The following TTN variants were observed in gnomAD, a reference collection of about 807,000 sequenced individuals.
The protein encoded by TTN is connectin.
A neutral mutation model predicts 3,223.0 loss-of-function variants in TTN; 1,525 were observed. The observed-to-expected ratio is 0.47, with a 90% CI of 0.45 to 0.49. TTN has a LOEUF of 0.49. Ranked by LOEUF, TTN falls within the 20% of genes least tolerant of loss-of-function variation. TTN has a pLI of 0.00. For missense variants in TTN, 40,786 were observed against 43,424.0 expected, an observed-to-expected ratio of 0.94 and a Z score of 5.40; for synonymous variants, 14,094 against 15,161.0, an observed-to-expected ratio of 0.93 and a Z score of 5.17.
chr2:178,783,573 C>A, intron 17 of TTN, 147 bp downstream of exon 17: 1 of 697,240 alleles, frequency 1.4e-6, no homozygotes, highest in Non-Finnish European at 2.4e-6. Flanking sequence ...TATGGTCTTC[C>A]AGACCAAATA....
rs2154141488 is a variant in TTN at position 178,541,274 on chromosome 2, G to A, written c.97795+8C>T. On this transcript the variant is annotated splice_region_variant and intron_variant, in intron 350 of 362. Transcript: ENST00000589042. ...TCAATCAATTTGACTGATACAAAAT[G>A]TCCTTACCAATTGGATCCATGGCAA... 6.7e-7 allele frequency: 1 copy of A among 1,487,374 alleles called. No individual in the cohort carries two copies. The highest frequency in any genetic ancestry group is 9.0e-7 in the Non-Finnish European group (1 of 1,109,628). 92.1% of individuals were successfully genotyped at this position (1,487,374 alleles called of 1,614,324 possible).
chr2:178,795,064 G>C lies in TTN; in HGVS notation c.1103C>G (p.Thr368Ser), dbSNP rs1466967399. Reference protein sequence around the residue: ...EMRETTLTTSTQIRTEERWEG... With the variant: ...EMRETTLTTSSQIRTEERWEG... Reference sequence around the variant, plus strand: ...CCATCTCTCTTCTGTCCTGATCTGAGTAGAGGTTGTCAGCGTTGTCTCTCT... The same window carrying C: ...CCATCTCTCTTCTGTCCTGATCTGACTAGAGGTTGTCAGCGTTGTCTCTCT... Residue 368 changes from threonine to serine, a missense_variant, in exon 7 of 363, where the codon ACT becomes AGT. By Grantham distance (58) the Thr-to-Ser change is moderately conservative. Coordinates refer to ENST00000589042, the MANE Select transcript of TTN (RefSeq NM_001267550.2). 6.2e-7 allele frequency: 1 copy of C among 1,613,752 alleles called. No homozygotes were observed. The highest frequency in any genetic ancestry group is 8.5e-7 in the Non-Finnish European group (1 of 1,180,018).
chr2:178,630,724 G>T, intron 238 of TTN, 80 bp downstream of exon 238: 1 of 1,532,608 alleles, frequency 6.5e-7, no homozygotes, highest in Non-Finnish European at 8.8e-7. Flanking sequence ...TAAATGTCCT[G>T]CATCCACTCT....
chr2:178,710,981 C>A (rs542566522), intron 97 of TTN, 59 bp from the exon 98 acceptor site: 687 of 1,553,904 alleles, frequency 4.4e-4, no homozygotes, highest in Non-Finnish European at 5.6e-4. Context: ...TGTCAGTTTA[C>A]TGAAATAGAA....
Position 178,574,811 on chromosome 2 carries a change from C to A in TTN, c.71321G>T (p.Trp23774Leu). Reference sequence around the variant, plus strand: ...TATAACGGTGGTTGCTAACTCAACCCAGGTAGTACTGTCAGTCTGCCGCAT... The same window carrying A: ...TATAACGGTGGTTGCTAACTCAACCAAGGTAGTACTGTCAGTCTGCCGCAT... Reference protein sequence around the residue: ...VEMRQTDSTTWVELATTVIRT... With the variant: ...VEMRQTDSTTLVELATTVIRT... The change falls in exon 326 of 363, where the codon TGG becomes TTG. Residue 23774 changes from tryptophan (W) to leucine (L), a missense_variant. Trp to Leu is a moderately conservative substitution (Grantham distance 61, BLOSUM62 -2). Transcript: ENST00000589042. 1 of 1,612,204 alleles carries A rather than the reference C, an allele frequency of 6.2e-7. No individual in the cohort carries two copies. The highest frequency in any genetic ancestry group is 1.1e-5 in the South Asian group (1 of 90,930).
At chr2:178,671,063 A>G (rs1193791206) in intron 156 of TTN, 27 bp downstream of exon 156, 1 of 1,563,404 alleles carries the variant, frequency 6.4e-7, no homozygotes, top group Non-Finnish European at 8.7e-7. Flanking sequence ...TGTAAAGTTA[A>G]GTAGTAATTT....
Position 178,549,732 on chromosome 2 carries a change from T to G in TTN, c.91990A>C (p.Arg30664=), listed in dbSNP as rs747732342. 1 of 1,613,792 alleles carries G rather than the reference T, an allele frequency of 6.2e-7. No homozygotes were observed. The highest frequency in any genetic ancestry group is 8.5e-7 in the Non-Finnish European group (1 of 1,179,744). The change falls in exon 338 of 363, where the codon AGA becomes CGA. Residue 30664 remains arginine, a synonymous_variant. Transcript: ENST00000589042. ...HYIIEKRETS[R]LAWALIEDKC... Reference sequence around the variant, plus strand: ...TCCTCAATTAGTGCCCAGGCAAGTCTGCTGGTTTCCCGTTTTTCAATGATG... The same window carrying G: ...TCCTCAATTAGTGCCCAGGCAAGTCGGCTGGTTTCCCGTTTTTCAATGATG...
At position 178,615,699 on chromosome 2, in the gene TTN, T is replaced by G. The variant is rs772886163; in HGVS notation, c.48402A>C (p.Lys16134Asn). 1.2e-6 allele frequency: 2 copies of G among 1,612,424 alleles called. No individual in the cohort carries two copies. Among genetic ancestry groups the G allele is most frequent in the African/African-American group, 2.7e-5 (2 of 74,820 alleles). ...EYLFKVCARN[K>N]CGPGEPAYVD... ...CATATGCAGGTTCTCCAGGGCCACA[T>G]TTGTTACGAGCACAAACTTTAAATA... The change falls in exon 258 of 363, where the codon AAA (lysine) becomes AAC (asparagine). Residue 16134 changes from lysine (K) to asparagine (N), a missense_variant. Lys to Asn is a moderately conservative substitution (Grantham distance 94). Coordinates refer to ENST00000589042, the MANE Select transcript of TTN (RefSeq NM_001267550.2).
Position 178,771,332 on chromosome 2 carries a change from G to C in TTN, c.7995C>G (p.Ile2665Met), listed in dbSNP as rs751461803. The change falls in exon 34 of 363, where the codon ATC (isoleucine) becomes ATG (methionine). Residue 2665 changes from isoleucine (I) to methionine (M), a missense_variant. Transcript: ENST00000589042. ...TTTTGTGGCCATCAGACTCACTTCT[G>C]ATGTTGTTAGTCAGTGGTAGGTGTT... ...DGKHLPLTNN[I>M]RSESDGHKRR... 6.2e-7 allele frequency: 1 copy of C among 1,614,070 alleles called. No homozygotes were observed. The highest frequency in any genetic ancestry group is 8.5e-7 in the Non-Finnish European group (1 of 1,180,002).
intron 47 of TTN, chr2:178,748,943 G>A (rs139187455): frequency 3.5e-5 from 57 of 1,612,290 alleles, no homozygotes; most frequent in Non-Finnish European, 4.5e-5. Flanking sequence ...CTTCTTTTGA[G>A]GAGGATTAAC....
chr2:178,667,521 A>G lies in TTN; in HGVS notation c.35634T>C (p.Pro11878=). Residue 11878 remains proline (P), a synonymous_variant, in exon 161 of 363, where the codon CCT becomes CCC. Transcript: ENST00000589042. ...CTGGAACAACTTTCTTGGGTGGCTCAGGCACTTAAAAGATATGAGTATAGT... is the reference window on the plus strand; with the variant it reads ...CTGGAACAACTTTCTTGGGTGGCTCGGGCACTTAAAAGATATGAGTATAGT... The part of the protein sequence containing the change: ...QKTKPKLAKV[P]EPPKKVVPED... 6.3e-7 allele frequency: 1 copy of G among 1,597,162 alleles called. No individual in the cohort carries two copies.
intron 122 of TTN, 73 bp downstream of exon 122, chr2:178,689,740 G>A: frequency 1.3e-6 from 2 of 1,492,574 alleles, no homozygotes; most frequent in Non-Finnish European, 1.8e-6. Context: ...CTAACTCAAT[G>A]AACAGATAAT....
chr2:178,738,095 T>C lies in TTN; in HGVS notation c.14358A>G (p.Thr4786=), dbSNP rs781164392. ...TATGGCATTTACCTGTCACAGTTAG[T>C]GTGGCTGTACAGCTGACACTGCCAT... ...NEYGSVSCTA[T]LTVTEAYPPT... is the part of the protein sequence containing the mutation. Residue 4786 remains threonine, a synonymous_variant, in exon 49 of 363, where the codon ACA becomes ACG. Coordinates refer to ENST00000589042, the MANE Select transcript of TTN (RefSeq NM_001267550.2). The C allele has an allele frequency of 6.2e-7, 1 of 1,613,044 alleles. No individual in the cohort carries two copies. The highest frequency in any genetic ancestry group is 8.5e-7 in the Non-Finnish European group (1 of 1,179,182).
Position 178,535,226 on chromosome 2 carries a change from C to T in TTN, c.101389G>A (p.Asp33797Asn). ...GTCATGGAGACTTCCCTGGTTTCAT[C>T]TACCTCTTCATCATAGTTCATAGCT... ...TRAMNYDEEVDETREVSMTKA... is the reference protein window; with the variant it reads ...TRAMNYDEEVNETREVSMTKA... Residue 33797 changes from aspartate (D) to asparagine (N), a missense_variant, in exon 358 of 363, where the codon GAT (aspartate) becomes AAT (asparagine). Physicochemically the swap from Asp to Asn is conservative, Grantham distance 23. Coordinates refer to ENST00000589042, the MANE Select transcript of TTN (RefSeq NM_001267550.2). 1.9e-6 allele frequency: 3 copies of T among 1,613,952 alleles called. No individual in the cohort carries two copies. The highest frequency in any genetic ancestry group is 2.5e-6 in the Non-Finnish European group (3 of 1,179,858).
chr2:178,566,322 C>T lies in TTN; in HGVS notation c.79810G>A (p.Val26604Ile), dbSNP rs190407944. The change falls in exon 326 of 363, where the codon GTA (valine) becomes ATA (isoleucine). Residue 26604 changes from valine (V) to isoleucine (I), a missense_variant. Transcript: ENST00000589042. Reference sequence around the variant, plus strand: ...ATTCTGGCAGATCCACCAGCTCTTACAACAATTCCTTTTCTTAATTCGGAG... The same window carrying T: ...ATTCTGGCAGATCCACCAGCTCTTATAACAATTCCTTTTCTTAATTCGGAG... ...LDSELRKGIV[V>I]RAGGSARIHI... is the part of the protein sequence containing the mutation. 2 of 1,613,630 alleles carry T rather than the reference C, an allele frequency of 1.2e-6. No individual in the cohort carries two copies. The highest frequency in any genetic ancestry group is 1.3e-5 in the African/African-American group (1 of 75,020).
Position 178,802,259 on chromosome 2 carries a change from A to C in TTN, c.174T>G (p.Phe58Leu). 1 of 1,614,034 alleles carries C rather than the reference A, an allele frequency of 6.2e-7. No homozygotes were observed. ...TSTLPGVQISFSDGRAKLTIP... is the reference protein window; with the variant it reads ...TSTLPGVQISLSDGRAKLTIP... ...TCGTCAGTTTAGCGCGGCCATCGCT[A>C]AAGGAGATCTGCACGCCGGGCAGAG... Residue 58 changes from phenylalanine to leucine, a missense_variant, in exon 3 of 363, where the codon TTT becomes TTG. By Grantham distance (22) the Phe-to-Leu change is conservative. Coordinates refer to ENST00000589042, the MANE Select transcript of TTN (RefSeq NM_001267550.2).
intron 102 of TTN, among the ~76,000 whole-genome samples, chr2:178,705,615 A>G (rs1333531675): frequency 1.3e-5 from 2 of 152,190 alleles, no homozygotes; most frequent in Non-Finnish European, 1.5e-5. Context: ...AAAGGATAAT[A>G]GAAGTATTTC....
chr2:178,735,480 G>A, intron 50 of TTN, 31 bp downstream of exon 50: 1 of 1,516,716 alleles, frequency 6.6e-7, no homozygotes, highest in Non-Finnish European at 8.8e-7. Flanking sequence ...TGCAGAGAAG[G>A]GACTAGAAAA....
chr2:178,604,132 C>T lies in TTN; in HGVS notation c.54555G>A (p.Val18185=), dbSNP rs537758755. Residue 18185 remains valine, a synonymous_variant, in exon 282 of 363, where the codon GTG becomes GTA. Coordinates refer to ENST00000589042, the MANE Select transcript of TTN (RefSeq NM_001267550.2). ...VLARTKGSML[V]SWTPPLDNGG... ...CATTGTCCAAAGGAGGAGTCCAGCT[C>T]ACTAGCATTGATCCTTTGGTGCGTG... 1.9e-6 allele frequency: 3 copies of T among 1,612,530 alleles called. No individual in the cohort carries two copies. Among genetic ancestry groups the T allele is most frequent in the African/African-American group, 1.3e-5 (1 of 74,936 alleles).
Sources: gnomAD v4.1 joint callset for allele counts (sites outside exome capture counted in the v4.1 genomes callset) on GRCh38, gnomAD v4.1.1 for gene constraint, MANE v1.5 for transcripts, NCBI Gene and HGNC (gene_info 2026-07-23, HGNC 2026-07-21) for gene names.